The following ACER1 variants were observed in gnomAD, a reference collection of about 807,000 sequenced individuals.
The protein encoded by ACER1 is alkaline ceramidase 1.
Under a neutral mutation model 24.9 loss-of-function variants are expected in ACER1, and 28 were observed. The observed-to-expected ratio is 1.13, with a 90% CI of 0.83 to 1.54. The LOEUF (loss-of-function observed/expected upper bound fraction) is 1.54. Among genes scored for constraint, ACER1 ranks in the 40% most tolerant of loss-of-function variants. The pLI is 0.00. For synonymous variants in ACER1, 132 were observed against 131.4 expected, an observed-to-expected ratio of 1.00 and a Z score of -0.03; for missense variants, 352 against 349.3, an observed-to-expected ratio of 1.01 and a Z score of -0.06.
chr19:6,340,727 G>A, the ACER1 span, among the ~76,000 whole-genome samples: 1 of 152,166 alleles, frequency 6.6e-6, no homozygotes, highest in African/African-American at 2.4e-5. Flanking sequence ...GAGAACTTGA[G>A]TGATCATGGT....
At chr19:6,330,831 C>T (rs1482206557) in intron 1 of ACER1, among the ~76,000 whole-genome samples, 4 of 149,696 alleles carry the variant, frequency 2.7e-5, no homozygotes, top group Non-Finnish European at 5.9e-5. Flanking sequence ...ATCAGTGAGA[C>T]CGTGAGGATC....
the ACER1 span, chr19:6,360,248 G>A: frequency 1.3e-5 from 2 of 152,128 alleles, no homozygotes; most frequent in African/African-American, 2.4e-5. Context: ...CTACTCCACA[G>A]GTGGCCAAAA....
chr19:6,337,791 T>TC (rs1038515062), upstream of ACER1, among the ~76,000 whole-genome samples: 11 of 147,338 alleles, frequency 7.5e-5, no homozygotes, highest in East Asian at 8.4e-4. Context: ...TTCTCCTGCC[T>TC]CAGCCTCCCG....
At chr19:6,326,010 A>G (rs1335546058) in intron 1 of ACER1, among the ~76,000 whole-genome samples, 1 of 148,842 alleles carries the variant, frequency 6.7e-6, no homozygotes, top group Non-Finnish European at 1.5e-5. Context: ...GCTGGAGTGA[A>G]GTGGTGTGAT....
chr19:6,327,688 C>T (rs933429342), intron 1 of ACER1, among the ~76,000 whole-genome samples: 2 of 151,970 alleles, frequency 1.3e-5, no homozygotes, highest in Admixed American at 1.3e-4. Flanking sequence ...GTCCCACAAG[C>T]TAAGAATCAT....
chr19:6,316,730 C>T (rs1175060940), intron 1 of ACER1, among the ~76,000 whole-genome samples: 2 of 148,596 alleles, frequency 1.3e-5, no homozygotes, highest in Admixed American at 1.4e-4. Flanking sequence ...TGAGACAGGA[C>T]AATCGCTTGA....
At chr19:6,340,860 C>T in the ACER1 span, among the ~76,000 whole-genome samples, 3 of 152,132 alleles carry the variant, frequency 2.0e-5, no homozygotes, top group Admixed American at 6.5e-5. Context: ...GAGCTCTCAG[C>T]GGTTATTGTA....
At chr19:6,330,861 C>T (rs2091683722) in intron 1 of ACER1, among the ~76,000 whole-genome samples, 1 of 149,748 alleles carries the variant, frequency 6.7e-6, no homozygotes, top group Non-Finnish European at 1.5e-5. Context: ...CATAATCCCA[C>T]TTCCCAGGTA....
chr19:6,325,345 G>C (rs2091655928), intron 1 of ACER1, among the ~76,000 whole-genome samples: 1 of 152,132 alleles, frequency 6.6e-6, no homozygotes, highest in African/African-American at 2.4e-5. Context: ...TTCCTGCCAG[G>C]CTGTGCTGTT....
At chr19:6,315,023 C>A (rs2091596415) in intron 1 of ACER1, among the ~76,000 whole-genome samples, 1 of 150,042 alleles carries the variant, frequency 6.7e-6, no homozygotes. Flanking sequence ...TCCTGAGTAG[C>A]TGGGACTGCA....
chr19:6,334,935 T>C (rs1421929954), upstream of ACER1, among the ~76,000 whole-genome samples: 1 of 149,648 alleles, frequency 6.7e-6, no homozygotes, highest in Non-Finnish European at 1.5e-5. Flanking sequence ...TAAGTCAACT[T>C]TGTGGGAATA....
At chr19:6,311,770 AG>A in intron 3 of ACER1, among the ~76,000 whole-genome samples, 1 of 151,974 alleles carries the variant, frequency 6.6e-6, no homozygotes, top group East Asian at 1.9e-4. Flanking sequence ...AGAGGGACCC[AG>A]GGGGTCTAAG....
intron 1 of ACER1, among the ~76,000 whole-genome samples, chr19:6,320,737 A>G (rs1251933041): frequency 1.3e-5 from 2 of 152,184 alleles, no homozygotes; most frequent in Non-Finnish European, 2.9e-5. Flanking sequence ...TAATTTGCAT[A>G]CTGTGTGGCC....
upstream of ACER1, among the ~76,000 whole-genome samples, chr19:6,337,295 CTT>C (rs941465526): frequency 2.6e-5 from 4 of 151,826 alleles, no homozygotes; most frequent in African/African-American, 9.7e-5. Context: ...CACTTAATGA[CTT>C]TGACAAAAAA....
chr19:6,337,661 CTTTTTTTTTTTTTTTT>C (rs1192304687), upstream of ACER1, among the ~76,000 whole-genome samples: 356 of 25,934 alleles, frequency 0.014, 3 homozygotes, highest in Non-Finnish European at 0.021. Flanking sequence ...TTCTTTCTTT[CTTTTTTTTTTTTTTTT>C]TTTTTTTTTT....
At chr19:6,350,845 T>C in the ACER1 span, among the ~76,000 whole-genome samples, 14 of 152,188 alleles carry the variant, frequency 9.2e-5, no homozygotes, top group Middle Eastern at 3.4e-3. Flanking sequence ...TAAATATCAA[T>C]GGAATAAATA....
the ACER1 span, among the ~76,000 whole-genome samples, chr19:6,339,470 T>C: frequency 1.3e-5 from 2 of 151,574 alleles, no homozygotes; most frequent in African/African-American, 4.8e-5. Flanking sequence ...GGGAGGGGGA[T>C]AGGGAGTGAG....
At chr19:6,334,956 T>C (rs2091706944), upstream of ACER1, among the ~76,000 whole-genome samples, 1 of 148,612 alleles carries the variant, frequency 6.7e-6, no homozygotes. Context: ...ATAATAATTA[T>C]TATTATTATA....
the ACER1 span, among the ~76,000 whole-genome samples, chr19:6,348,015 G>T: frequency 7.3e-6 from 1 of 137,238 alleles, no homozygotes; most frequent in African/African-American, 2.8e-5. Flanking sequence ...CTCCCAACGT[G>T]CTGGGATTGC....
Sources: gnomAD v4.1 joint callset for allele counts (sites outside exome capture counted in the v4.1 genomes callset) on GRCh38, gnomAD v4.1.1 for gene constraint, MANE v1.5 for transcripts, NCBI Gene and HGNC (gene_info 2026-07-23, HGNC 2026-07-21) for gene names.